The following WDPCP variants were observed in gnomAD, a reference collection of about 807,000 sequenced individuals.
WDPCP encodes the protein WD repeat-containing and planar cell polarity effector protein fritz homolog.
WDPCP carries 71 observed loss-of-function variants against 93.1 expected under a neutral mutation model. That is an observed-to-expected ratio of 0.76 (90% CI 0.63 to 0.93). WDPCP has a LOEUF of 0.93. Among genes scored for constraint, WDPCP ranks in the 40% least tolerant of loss-of-function variants. The pLI is 0.00. For missense variants in WDPCP, 844 were observed against 887.4 expected (o/e 0.95, Z 0.62); for synonymous variants, 315 against 315.0 (o/e 1.00, Z 0.00).
intron 2 of WDPCP, among the ~76,000 whole-genome samples, chr2:63,674,993 T>C (rs1013537581): frequency 1.3e-5 from 2 of 152,182 alleles, no homozygotes; most frequent in Admixed American, 6.5e-5. Context: ...GGCAGCAGCC[T>C]CTTGTTCTTA....
chr2:63,308,455 G>A (rs1218546858), intron 13 of WDPCP, among the ~76,000 whole-genome samples: 2 of 152,218 alleles, frequency 1.3e-5, no homozygotes, highest in Non-Finnish European at 2.9e-5. Flanking sequence ...TATGTTTATT[G>A]TAGCAGTATT....
intron 1 of WDPCP, among the ~76,000 whole-genome samples, chr2:63,513,563 T>C (rs1387310932): frequency 6.6e-6 from 1 of 152,142 alleles, no homozygotes; most frequent in Non-Finnish European, 1.5e-5. Context: ...CCAGAATTCC[T>C]CTTCCTCAAG....
At chr2:63,833,425 C>T in the WDPCP span, among the ~76,000 whole-genome samples, 11 of 152,228 alleles carry the variant, frequency 7.2e-5, no homozygotes, top group East Asian at 7.7e-4. Flanking sequence ...AAAAAAAAGA[C>T]CTATTTTCCA....
At chr2:63,825,474 C>T (rs1049553578) in intron 1 of WDPCP, among the ~76,000 whole-genome samples, 6 of 151,982 alleles carry the variant, frequency 3.9e-5, no homozygotes, top group African/African-American at 1.5e-4. Context: ...TGGGAAGCAC[C>T]TCGAGCCAAA....
chr2:63,331,637 C>CA, intron 12 of WDPCP, among the ~76,000 whole-genome samples: 1 of 152,246 alleles, frequency 6.6e-6, no homozygotes, highest in African/African-American at 2.4e-5. Flanking sequence ...TAGATCATCT[C>CA]AAAAAAGTTT....
chr2:63,759,119 G>A (rs930604496), intron 2 of WDPCP, among the ~76,000 whole-genome samples: 1 of 152,100 alleles, frequency 6.6e-6, no homozygotes, highest in African/African-American at 2.4e-5. Context: ...GGACCCAGGA[G>A]TGAATAGAAG....
intron 3 of WDPCP, among the ~76,000 whole-genome samples, chr2:63,613,265 C>A (rs1709634731): frequency 6.6e-6 from 1 of 152,202 alleles, no homozygotes; most frequent in African/African-American, 2.4e-5. Flanking sequence ...AATGAGGTTT[C>A]TGAGGATTCA....
intron 1 of WDPCP, among the ~76,000 whole-genome samples, chr2:63,587,242 A>C (rs1708911966): frequency 6.6e-6 from 1 of 152,204 alleles, no homozygotes; most frequent in Admixed American, 6.5e-5. Flanking sequence ...GAATTAGCTC[A>C]CTGAGGGATT....
chr2:63,596,986 T>C (rs1372386035), intron 3 of WDPCP, among the ~76,000 whole-genome samples: 1 of 152,208 alleles, frequency 6.6e-6, no homozygotes, highest in East Asian at 1.9e-4. Context: ...AATAAACATT[T>C]ATTATTTTTA....
intron 12 of WDPCP, among the ~76,000 whole-genome samples, chr2:63,313,886 A>ATGTGTGTGTGTATATATATATATATATAT: frequency 4.0e-5 from 3 of 74,472 alleles, no homozygotes; most frequent in African/African-American, 1.0e-4. Flanking sequence ...ATATATATAT[A>ATGTGTGTGTGTATATATATATATATATAT]TTTTTTTTTT....
chr2:63,397,107 T>C (rs190752314), intron 10 of WDPCP, among the ~76,000 whole-genome samples: 3 of 152,244 alleles, frequency 2.0e-5, no homozygotes, highest in South Asian at 2.1e-4. Flanking sequence ...CAGAAGAATA[T>C]AGATACAGGG....
intron 8 of WDPCP, among the ~76,000 whole-genome samples, chr2:63,434,905 G>A (rs891074467): frequency 2.6e-5 from 4 of 152,192 alleles, no homozygotes; most frequent in African/African-American, 7.2e-5. Flanking sequence ...TTGCATTTAT[G>A]TATTGTATTT....
intron 1 of WDPCP, among the ~76,000 whole-genome samples, chr2:63,545,079 A>C (rs1276330314): frequency 1.3e-5 from 2 of 152,070 alleles, no homozygotes; most frequent in Non-Finnish European, 2.9e-5. Context: ...AGGCCTTTCC[A>C]AAGACTTTAT....
chr2:63,249,720 G>A (rs920663302), intron 14 of WDPCP, among the ~76,000 whole-genome samples: 1 of 152,180 alleles, frequency 6.6e-6, no homozygotes, highest in Non-Finnish European at 1.5e-5. Context: ...GCTGAGGGGA[G>A]AGGAATTTTC....
chr2:63,471,678 A>G (rs1410995347), intron 6 of WDPCP, among the ~76,000 whole-genome samples: 1 of 152,194 alleles, frequency 6.6e-6, no homozygotes, highest in Non-Finnish European at 1.5e-5. Flanking sequence ...CATCTCTTCA[A>G]CATCCTTCCT....
intron 6 of WDPCP, among the ~76,000 whole-genome samples, chr2:63,472,973 T>C (rs1168385308): frequency 6.6e-6 from 1 of 152,234 alleles, no homozygotes; most frequent in Non-Finnish European, 1.5e-5. Flanking sequence ...ATTTACGGCA[T>C]TGTCCCTGAT....
intron 14 of WDPCP, among the ~76,000 whole-genome samples, chr2:63,239,554 A>G (rs1208519542): frequency 1.3e-5 from 2 of 152,204 alleles, no homozygotes; most frequent in African/African-American, 2.4e-5. Flanking sequence ...TAGGGACATA[A>G]TAAGGGCATA....
chr2:63,322,730 C>T (rs1687215582), intron 12 of WDPCP, among the ~76,000 whole-genome samples: 2 of 152,112 alleles, frequency 1.3e-5, no homozygotes, highest in Non-Finnish European at 1.5e-5. Flanking sequence ...TTGAAGTCAC[C>T]GAGACCAAGA....
At chr2:63,652,150 C>A (rs561379171) in intron 2 of WDPCP, among the ~76,000 whole-genome samples, 1 of 152,234 alleles carries the variant, frequency 6.6e-6, no homozygotes, top group Non-Finnish European at 1.5e-5. Flanking sequence ...TGGCATGATG[C>A]ATTTGCAGAA....
Sources: gnomAD v4.1 joint callset for allele counts (sites outside exome capture counted in the v4.1 genomes callset) on GRCh38, gnomAD v4.1.1 for gene constraint, MANE v1.5 for transcripts, NCBI Gene and HGNC (gene_info 2026-07-23, HGNC 2026-07-21) for gene names.